Variants in GBE1 observed in about 807,000 individuals in gnomAD.
GBE1 encodes 1,4-alpha-glucan branching enzyme 1.
Under a neutral mutation model 88.8 loss-of-function variants are expected in GBE1, and 70 were observed. The ratio of observed to expected loss-of-function variants is 0.79; its 90% confidence interval spans 0.65 to 0.96. The LOEUF is 0.96. GBE1 is among the 40% of genes least tolerant of loss of function. The pLI is 0.00. For synonymous variants in GBE1, 284 were observed against 300.1 expected (o/e 0.95, Z 0.56); for missense variants, 872 against 871.0 (o/e 1.00, Z -0.01).
At chr3:81,615,433 C>T (rs1704236299) in intron 7 of GBE1, among the ~76,000 whole-genome samples, 1 of 152,158 alleles carries the variant, frequency 6.6e-6, no homozygotes, top group Non-Finnish European at 1.5e-5. Context: ...CCAGAGCACT[C>T]CTGTTTTCTC....
intron 12 of GBE1, among the ~76,000 whole-genome samples, chr3:81,566,910 C>T (rs1297843740): frequency 6.6e-6 from 1 of 152,074 alleles, no homozygotes; most frequent in Admixed American, 6.6e-5. Context: ...CGGAATCATC[C>T]CCTTTGAATA....
intron 1 of GBE1, among the ~76,000 whole-genome samples, chr3:81,756,961 C>T (rs1023464354): frequency 6.6e-6 from 1 of 151,814 alleles, no homozygotes; most frequent in South Asian, 2.1e-4. Flanking sequence ...CTTATTTAAC[C>T]CACTCCTACT....
intron 7 of GBE1, among the ~76,000 whole-genome samples, chr3:81,605,333 T>C (rs1309375006): frequency 2.6e-5 from 4 of 152,198 alleles, no homozygotes; most frequent in African/African-American, 9.7e-5. Flanking sequence ...ATTTATAATA[T>C]CCGAATTAAG....
At chr3:81,518,795 G>A (rs917854067) in intron 14 of GBE1, among the ~76,000 whole-genome samples, 1 of 151,508 alleles carries the variant, frequency 6.6e-6, no homozygotes, top group African/African-American at 2.4e-5. Flanking sequence ...AGGATCATCT[G>A]TCTCAGCTCT....
chr3:81,623,293 T>C (rs1277970643), intron 7 of GBE1, among the ~76,000 whole-genome samples: 1 of 152,208 alleles, frequency 6.6e-6, no homozygotes, highest in Non-Finnish European at 1.5e-5. Context: ...ATTGCTTTTC[T>C]CCTCACTGTT....
At chr3:81,619,270 T>C (rs566190830) in intron 7 of GBE1, among the ~76,000 whole-genome samples, 70 of 152,286 alleles carry the variant, frequency 4.6e-4, no homozygotes, top group Admixed American at 2.0e-3. Flanking sequence ...TTTATGAACT[T>C]GATCCAAATT....
chr3:81,667,520 T>C (rs1705128602), intron 3 of GBE1, among the ~76,000 whole-genome samples: 1 of 152,218 alleles, frequency 6.6e-6, no homozygotes, highest in South Asian at 2.1e-4. Context: ...CCTTGTCTTG[T>C]ATCAGTTTTC....
At chr3:81,693,831 G>A (rs1705554877) in intron 2 of GBE1, among the ~76,000 whole-genome samples, 1 of 151,670 alleles carries the variant, frequency 6.6e-6, no homozygotes, top group Non-Finnish European at 1.5e-5. Flanking sequence ...CTATTTAGAG[G>A]AAAATACAAT....
rs1273601032 is a variant in GBE1 at position 81,750,661 on chromosome 3, A to ACG, written c.143+10713_143+10714insCG. Reference sequence around the variant, plus strand: ...TATATATATGTATATATATATATGTATATATATATATACGTATATATATAT... The same window carrying ACG: ...TATATATATGTATATATATATATGTACGTATATATATATACGTATATATATAT... On this transcript the variant is annotated intron_variant, in intron 1 of 15. Coordinates refer to ENST00000429644, the MANE Select transcript of GBE1 (RefSeq NM_000158.4). Among the ~76,000 whole-genome samples the ACG allele has an allele frequency of 3.3e-4, 26 of 77,812 alleles. 2 individuals are homozygous for ACG. The highest frequency in any genetic ancestry group is 5.3e-4 in the Non-Finnish European group (25 of 47,408). 51.0% of individuals were successfully genotyped at this position (77,812 alleles called of 152,430 possible).
intron 1 of GBE1, among the ~76,000 whole-genome samples, chr3:81,727,558 C>G (rs1706131398): frequency 6.6e-6 from 1 of 152,170 alleles, no homozygotes; most frequent in African/African-American, 2.4e-5. Flanking sequence ...TTTTAGTGCA[C>G]TGAACAAATT....
At position 81,714,805 on chromosome 3, in the gene GBE1, G is replaced by A. The variant is rs189830605; in HGVS notation, c.144-9192C>T. Among the ~76,000 whole-genome samples, 12 of 152,290 alleles carry A rather than the reference G, an allele frequency of 7.9e-5. No individual in the cohort carries two copies. In the East Asian group the frequency reaches 1.9e-3, roughly 25 times the overall value. On this transcript the variant is annotated intron_variant, in intron 1 of 15. Coordinates refer to ENST00000429644, the MANE Select transcript of GBE1 (RefSeq NM_000158.4). ...AAGACTGAGAACCAGCAGATCCAGC[G>A]TTTGGTGAGGGCACTCTTCCTTGTT...
chr3:81,725,520 A>AT (rs947142852), intron 1 of GBE1, among the ~76,000 whole-genome samples: 1 of 152,068 alleles, frequency 6.6e-6, no homozygotes, highest in Non-Finnish European at 1.5e-5. Flanking sequence ...TAGTTAATTA[A>AT]TTTTTTAATA....
intron 2 of GBE1, among the ~76,000 whole-genome samples, chr3:81,689,720 T>C (rs902045522): frequency 6.6e-6 from 1 of 152,096 alleles, no homozygotes; most frequent in Non-Finnish European, 1.5e-5. Flanking sequence ...ATTGGCCATA[T>C]TGAGATAGCC....
chr3:81,646,070 G>A (rs758930546), intron 6 of GBE1, among the ~76,000 whole-genome samples: 5 of 152,134 alleles, frequency 3.3e-5, no homozygotes, highest in Non-Finnish European at 7.4e-5. Flanking sequence ...TCCAGAAAAC[G>A]ATGTGCTCTC....
chr3:81,637,492 T>C (rs1368436043), intron 7 of GBE1, among the ~76,000 whole-genome samples: 1 of 152,170 alleles, frequency 6.6e-6, no homozygotes, highest in Non-Finnish European at 1.5e-5. Flanking sequence ...AGCATATATA[T>C]TGAAAAATGC....
chr3:81,500,805 C>A (rs530031821), intron 14 of GBE1, among the ~76,000 whole-genome samples: 224 of 152,250 alleles, frequency 1.5e-3, no homozygotes, highest in African/African-American at 5.2e-3. Context: ...TTTCAAAGAA[C>A]GTACATGTTT....
At chr3:81,499,354 TTTC>T in intron 14 of GBE1, 127 bp from the exon 15 acceptor site, 1 of 692,786 alleles carries the variant, frequency 1.4e-6, no homozygotes, top group African/African-American at 1.8e-5. Flanking sequence ...TAAGAACTCA[TTTC>T]TTCTTTTATA....
intron 8 of GBE1, among the ~76,000 whole-genome samples, chr3:81,592,236 G>A (rs765486383): frequency 7.2e-5 from 11 of 151,944 alleles, no homozygotes; most frequent in Non-Finnish European, 2.9e-5. Flanking sequence ...ATTAGATTCC[G>A]CCTAGCTTAT....
At chr3:81,569,810 CTTATT>C (rs535034492) in intron 12 of GBE1, among the ~76,000 whole-genome samples, 82 of 152,102 alleles carry the variant, frequency 5.4e-4, no homozygotes, top group African/African-American at 1.9e-3. Flanking sequence ...TCTTTGCTTA[CTTATT>C]TTATTTTATT....
Sources: gnomAD v4.1 joint callset for allele counts (sites outside exome capture counted in the v4.1 genomes callset) on GRCh38, gnomAD v4.1.1 for gene constraint, MANE v1.5 for transcripts, NCBI Gene and HGNC (gene_info 2026-07-23, HGNC 2026-07-21) for gene names.